Variants in SAMMSON observed in about 807,000 individuals in gnomAD.
The protein encoded by SAMMSON is long intergenic non-protein coding RNA 1212.
chr3:70,386,764 T>G (rs1169146270), intron 9 of SAMMSON, among the ~76,000 whole-genome samples: 1 of 152,246 alleles, frequency 6.6e-6, no homozygotes, highest in South Asian at 2.1e-4. Flanking sequence ...TTTATTTACC[T>G]TCTAACAGAT....
At chr3:70,227,748 C>A (rs1248991828) in intron 4 of SAMMSON, among the ~76,000 whole-genome samples, 1 of 152,084 alleles carries the variant, frequency 6.6e-6, no homozygotes, top group Non-Finnish European at 1.5e-5. Context: ...CCAATAACTC[C>A]GTGGGATAAG....
intron 4 of SAMMSON, among the ~76,000 whole-genome samples, chr3:70,181,233 T>C (rs1429813573): frequency 6.6e-6 from 1 of 152,240 alleles, no homozygotes; most frequent in African/African-American, 2.4e-5. Context: ...GATCCAATTT[T>C]CTCACTCTTG....
chr3:70,181,057 A>AT (rs1701049773), intron 4 of SAMMSON, among the ~76,000 whole-genome samples: 2 of 152,266 alleles, frequency 1.3e-5, no homozygotes, highest in South Asian at 4.2e-4. Context: ...GGAGCTTGGA[A>AT]TTTATCATGG....
intron 2 of SAMMSON, among the ~76,000 whole-genome samples, chr3:70,426,358 A>G (rs1454563417): frequency 2.0e-5 from 3 of 152,232 alleles, no homozygotes; most frequent in Admixed American, 2.0e-4. Flanking sequence ...AACAACCACT[A>G]TGACTGAAGC....
At chr3:70,206,603 T>C (rs542449007) in intron 4 of SAMMSON, 6 of 397,670 alleles carry the variant, frequency 1.5e-5, no homozygotes, top group Non-Finnish European at 2.7e-5. Flanking sequence ...AAGTATCAGT[T>C]TGGAGGTAAG....
At chr3:70,114,425 T>C (rs1576125282) in intron 4 of SAMMSON, among the ~76,000 whole-genome samples, 1 of 152,178 alleles carries the variant, frequency 6.6e-6, no homozygotes, top group Non-Finnish European at 1.5e-5. Flanking sequence ...TAAATCAACA[T>C]TGAAAGTGAA....
At position 70,143,398 on chromosome 3, in the gene SAMMSON, G is replaced by A. The variant is rs569229863; in HGVS notation, n.507+71833G>A. 7.2e-5 allele frequency among the ~76,000 whole-genome samples: 11 copies of A among 152,032 alleles called. No homozygotes were observed. In the South Asian group the frequency reaches 1.5e-3, roughly 20 times the overall value. On this transcript the variant is annotated intron_variant and non_coding_transcript_variant, in intron 4 of 9. Coordinates refer to ENST00000642114, the Ensembl canonical transcript of SAMMSON. ...TGTGTGTGTGTGTATAATGGCCAGT[G>A]GAGGTGGAATTATTTCAATTATGAA...
At chr3:70,426,222 C>T (rs1701366935) in intron 2 of SAMMSON, among the ~76,000 whole-genome samples, 1 of 152,190 alleles carries the variant, frequency 6.6e-6, no homozygotes, top group Non-Finnish European at 1.5e-5. Context: ...CTCAGGGCAT[C>T]CTTTGATCCT....
At chr3:70,250,425 A>T (rs997496409) in intron 6 of SAMMSON, among the ~76,000 whole-genome samples, 4 of 88,952 alleles carry the variant, frequency 4.5e-5, no homozygotes. Flanking sequence ...ACACACACAC[A>T]CACACACACA....
chr3:70,407,392 T>A (rs1401077144), intron 2 of SAMMSON, among the ~76,000 whole-genome samples: 1 of 152,208 alleles, frequency 6.6e-6, no homozygotes, highest in Non-Finnish European at 1.5e-5. Context: ...CCCTTCCGCC[T>A]ATGAGACTGT....
chr3:70,403,213 C>A (rs923886418), intron 2 of SAMMSON, among the ~76,000 whole-genome samples: 2 of 152,088 alleles, frequency 1.3e-5, no homozygotes, highest in African/African-American at 4.8e-5. Context: ...CCTGTGCAGA[C>A]AAAAACATAT....
Position 70,125,372 on chromosome 3 carries a change from C to T in SAMMSON, n.507+53807C>T, listed in dbSNP as rs1415868234. 2.1e-6 allele frequency: 3 copies of T among 1,453,142 alleles called. No homozygotes were observed. The African/African-American group carries it at 4.2e-5, about 20-fold the overall frequency. The allele number at this position is 1,453,142 out of a possible 1,614,324, so 90.0% of individuals were successfully genotyped here. On this transcript the variant is annotated intron_variant and non_coding_transcript_variant, in intron 4 of 9. Transcript: ENST00000642114. ...TACATAAATTCTACAGTTTGGTTCACCAGGTTCATAACTTCTGAAAACTGA... is the reference window on the plus strand; with the variant it reads ...TACATAAATTCTACAGTTTGGTTCATCAGGTTCATAACTTCTGAAAACTGA...
chr3:70,237,062 A>G (rs1701617131), intron 4 of SAMMSON, among the ~76,000 whole-genome samples: 1 of 111,096 alleles, frequency 9.0e-6, no homozygotes, highest in Admixed American at 9.5e-5. Flanking sequence ...TCTTTGACAA[A>G]TTTATTTGGT....
intron 7 of SAMMSON, among the ~76,000 whole-genome samples, chr3:70,347,971 A>G (rs547034139): frequency 6.6e-6 from 1 of 152,288 alleles, no homozygotes; most frequent in Admixed American, 6.5e-5. Context: ...TGAACCCAGG[A>G]GGCGGAGGTT....
chr3:70,121,605 T>G (rs149633422), intron 4 of SAMMSON, among the ~76,000 whole-genome samples: 2,470 of 152,268 alleles, frequency 0.016, 63 homozygotes, highest in Non-Finnish European at 0.018. Flanking sequence ...GGTTTTAAAA[T>G]TTGAATTATG....
chr3:70,338,789 A>T (rs1473422863), intron 7 of SAMMSON, among the ~76,000 whole-genome samples: 2 of 152,148 alleles, frequency 1.3e-5, no homozygotes, highest in Admixed American at 1.3e-4. Context: ...ATGCTCATGG[A>T]TAGGAAGAAA....
intron 3 of SAMMSON, among the ~76,000 whole-genome samples, chr3:70,047,361 C>G (rs2067130936): frequency 6.6e-6 from 1 of 150,432 alleles, no homozygotes; most frequent in South Asian, 2.1e-4. Context: ...CAGAGTCTCG[C>G]TCTATCACCC....
chr3:70,068,414 C>T (rs1423926854), intron 3 of SAMMSON: 1 of 152,078 alleles, frequency 6.6e-6, no homozygotes, highest in Non-Finnish European at 1.5e-5. Flanking sequence ...TTGAAAATGA[C>T]ATGATCTATC....
At chr3:70,123,627 T>C (rs2067444064) in intron 4 of SAMMSON, among the ~76,000 whole-genome samples, 1 of 152,244 alleles carries the variant, frequency 6.6e-6, no homozygotes, top group African/African-American at 2.4e-5. Flanking sequence ...CAGGTGATTA[T>C]GGCGTTCAGC....
Sources: allele counts gnomAD v4.1 joint callset (sites outside exome capture counted in the v4.1 genomes callset), GRCh38; gene constraint gnomAD v4.1.1; transcripts MANE v1.5; gene names NCBI Gene and HGNC (gene_info 2026-07-23, HGNC 2026-07-21).